KALRN: variants seen among roughly 807,000 people sequenced by gnomAD.
KALRN encodes kalirin.
A neutral mutation model predicts 353.7 loss-of-function variants in KALRN; 70 were observed. That is an observed-to-expected ratio of 0.20 (90% CI 0.16 to 0.24). The LOEUF is 0.24. Ranked by LOEUF, KALRN falls within the 10% of genes least tolerant of loss-of-function variation. The pLI is 1.00. For synonymous variants in KALRN, 1,391 were observed against 1,434.8 expected (o/e 0.97, Z 0.69); for missense variants, 2,791 against 3,756.7 (o/e 0.74, Z 6.72).
At chr3:124,404,841 G>C (rs1217749567) in intron 13 of KALRN, among the ~76,000 whole-genome samples, 1 of 152,014 alleles carries the variant, frequency 6.6e-6, no homozygotes, top group African/African-American at 2.4e-5. Context: ...GTTAGCTGTG[G>C]ATCATCTAAG....
At chr3:124,121,902 G>T (rs551730563) in intron 1 of KALRN, among the ~76,000 whole-genome samples, 180 of 152,218 alleles carry the variant, frequency 1.2e-3, no homozygotes, top group Non-Finnish European at 2.2e-3. Flanking sequence ...ACAGGATACT[G>T]TCAGCACATT....
chr3:124,059,031 C>T lies in KALRN; in HGVS notation c.73+25218C>T, dbSNP rs1303095893. 3.3e-5 allele frequency among the ~76,000 whole-genome samples: 5 copies of T among 151,994 alleles called. No individual in the cohort carries two copies. The East Asian group carries it at 5.8e-4, about 18-fold the overall frequency. ...GCTCCTTGTAATCCTCTTCCTTGTC[C>T]CTTCCTTCCTGAGACTCTCATTATA... is the stretch of plus-strand genomic sequence containing the variant. On this transcript the variant is annotated intron_variant, in intron 1 of 59. Coordinates refer to ENST00000682506, the MANE Select transcript of KALRN (RefSeq NM_001388419.1).
At chr3:124,371,949 C>A (rs116790055) in intron 10 of KALRN, among the ~76,000 whole-genome samples, 5,031 of 152,140 alleles carry the variant, frequency 0.033, 215 homozygotes, top group African/African-American at 0.1. Flanking sequence ...TCCCTACTAC[C>A]CTTCCCAGCT....
At chr3:124,455,604 C>A (rs553723190) in intron 22 of KALRN, among the ~76,000 whole-genome samples, 6 of 152,110 alleles carry the variant, frequency 3.9e-5, no homozygotes, top group Non-Finnish European at 8.8e-5. Flanking sequence ...AGTAGTGGGG[C>A]CTATGGCTAC....
intron 58 of KALRN, among the ~76,000 whole-genome samples, chr3:124,713,396 T>C (rs911045701): frequency 6.6e-6 from 1 of 152,178 alleles, no homozygotes; most frequent in Non-Finnish European, 1.5e-5. Flanking sequence ...TGAACCCATA[T>C]CTCTCTCACT....
chr3:124,628,484 C>A, intron 34 of KALRN, among the ~76,000 whole-genome samples: 1 of 99,644 alleles, frequency 1.0e-5, no homozygotes, highest in Non-Finnish European at 2.2e-5. Flanking sequence ...CCTTCCTTCC[C>A]TTCCCTCCCT....
intron 1 of KALRN, among the ~76,000 whole-genome samples, chr3:124,216,828 T>A (rs2077381618): frequency 6.6e-6 from 1 of 152,186 alleles, no homozygotes; most frequent in African/African-American, 2.4e-5. Context: ...AGGGGAAGCT[T>A]TGTTGTTTAT....
intron 1 of KALRN, among the ~76,000 whole-genome samples, chr3:124,186,583 A>C (rs751799374): frequency 1.3e-5 from 2 of 152,236 alleles, no homozygotes; most frequent in Admixed American, 6.5e-5. Context: ...GTGCCCAACC[A>C]GAACCTGTCC....
intron 6 of KALRN, among the ~76,000 whole-genome samples, chr3:124,314,846 G>T (rs964385844): frequency 2.0e-5 from 3 of 152,084 alleles, no homozygotes; most frequent in African/African-American, 7.2e-5. Flanking sequence ...GTAGATACAG[G>T]GTCTCACTAT....
chr3:124,654,244 T>C (rs1472114340), intron 38 of KALRN, among the ~76,000 whole-genome samples: 1 of 152,182 alleles, frequency 6.6e-6, no homozygotes, highest in Admixed American at 6.5e-5. Flanking sequence ...AAACACATGA[T>C]TGTCTGTGCT....
chr3:124,164,764 A>G (rs1166808890), intron 1 of KALRN: 1 of 152,092 alleles, frequency 6.6e-6, no homozygotes, highest in Non-Finnish European at 1.5e-5. Context: ...AAATTAAGTG[A>G]TCTTTCACTA....
intron 51 of KALRN, among the ~76,000 whole-genome samples, chr3:124,691,195 G>A (rs555973253): frequency 7.2e-5 from 11 of 152,128 alleles, no homozygotes; most frequent in Admixed American, 2.0e-4. Context: ...TTGGGAGGCC[G>A]AGGCAGGCGG....
intron 1 of KALRN, among the ~76,000 whole-genome samples, chr3:124,226,969 GT>G (rs2078579315): frequency 6.6e-6 from 1 of 152,178 alleles, no homozygotes; most frequent in East Asian, 1.9e-4. Context: ...AGAGACCCCA[GT>G]TATAGCTCGA....
chr3:124,322,377 A>G (rs1424865999), intron 6 of KALRN, among the ~76,000 whole-genome samples: 1 of 152,218 alleles, frequency 6.6e-6, no homozygotes, highest in Non-Finnish European at 1.5e-5. Flanking sequence ...TGAATGCCAG[A>G]GCTGGGACCA....
chr3:124,040,365 C>A (rs777837297), intron 1 of KALRN, among the ~76,000 whole-genome samples: 4 of 152,086 alleles, frequency 2.6e-5, no homozygotes, highest in South Asian at 2.1e-4. Flanking sequence ...ATGGTATAGC[C>A]CAGTGGTTCT....
At chr3:124,448,635 A>G (rs1183499609) in intron 21 of KALRN, among the ~76,000 whole-genome samples, 1 of 151,884 alleles carries the variant, frequency 6.6e-6, no homozygotes, top group Non-Finnish European at 1.5e-5. Flanking sequence ...TCCACTCTAG[A>G]GCCTCCTCCT....
intron 33 of KALRN, among the ~76,000 whole-genome samples, chr3:124,555,666 G>A (rs1281393181): frequency 6.6e-6 from 1 of 152,080 alleles, no homozygotes; most frequent in African/African-American, 2.4e-5. Flanking sequence ...GAATAGGTGG[G>A]CAGCCAATGG....
rs1235906165 is a variant in KALRN at position 124,268,900 on chromosome 3, G to A, written c.614G>A (p.Arg205His). 5 of 1,613,978 alleles carry A rather than the reference G, an allele frequency of 3.1e-6. No homozygotes were observed. The highest frequency in any genetic ancestry group is 1.3e-5 in the African/African-American group (1 of 75,000). Residue 205 changes from arginine to histidine, a missense_variant, in exon 5 of 60, where the codon CGC becomes CAC. By Grantham distance (29) the Arg-to-His change is conservative (BLOSUM62 0). Around this residue, in one of 11 missense-constraint regions of KALRN, gnomAD observed 366 missense variants for 489.2 expected, o/e 0.75. Transcript: ENST00000682506. ...AACAGCGCCGTGCACCTGCTCTCGC[G>A]CCTCGAGGACCTCCAGGAGATGCTA... ...FFNSAVHLLS[R>H]LEDLQEMLAR...
At chr3:124,402,040 T>C (rs1009526845) in intron 13 of KALRN, among the ~76,000 whole-genome samples, 6 of 152,106 alleles carry the variant, frequency 3.9e-5, no homozygotes, top group African/African-American at 1.4e-4. Context: ...AGGCATTTGA[T>C]AGACATGCTC....
Sources: allele counts gnomAD v4.1 joint callset (sites outside exome capture counted in the v4.1 genomes callset), GRCh38; gene constraint gnomAD v4.1.1; regional missense constraint gnomAD v4.1.1; transcripts MANE v1.5; gene names NCBI Gene and HGNC (gene_info 2026-07-23, HGNC 2026-07-21).